ANAPC1: variants seen among roughly 807,000 people sequenced by gnomAD.
ANAPC1 encodes the protein anaphase-promoting complex subunit 1.
In ANAPC1, 36 loss-of-function variants were observed where a neutral mutation model predicts 208.0. That is an observed-to-expected ratio of 0.17 (90% CI 0.13 to 0.23). The LOEUF is 0.23. Among genes scored for constraint, ANAPC1 ranks in the 10% least tolerant of loss-of-function variants. The pLI is 1.00. For missense variants in ANAPC1, 942 were observed against 2,011.6 expected (o/e 0.47, Z 10.17); for synonymous variants, 378 against 695.2 (o/e 0.54, Z 7.18).
At chr2:111,822,997 ATTCTTT>A (rs1271163885) in intron 24 of ANAPC1, among the ~76,000 whole-genome samples, 4 of 100,682 alleles carry the variant, frequency 4.0e-5, no homozygotes, top group African/African-American at 1.5e-4. Flanking sequence ...AATTCTTTTT[ATTCTTT>A]TTTTTTTTTT....
At chr2:111,798,329 C>T (rs376730082) in intron 34 of ANAPC1, among the ~76,000 whole-genome samples, 809 of 141,478 alleles carry the variant, frequency 5.7e-3, no homozygotes, top group South Asian at 0.013. Context: ...CTACAAACAA[C>T]GTGGTTTAGG....
intron 21 of ANAPC1, among the ~76,000 whole-genome samples, chr2:111,830,742 C>T (rs1418829309): frequency 6.6e-6 from 1 of 152,152 alleles, no homozygotes; most frequent in Non-Finnish European, 1.5e-5. Flanking sequence ...AGTGACAATA[C>T]CAAACACCAA....
At chr2:111,767,296 A>G (rs1354920975), downstream of ANAPC1, among the ~76,000 whole-genome samples, 1 of 151,654 alleles carries the variant, frequency 6.6e-6, no homozygotes, top group Non-Finnish European at 1.5e-5. Flanking sequence ...TTTGGGGCCA[A>G]AACACTTAAC....
chr2:111,851,584 A>G (rs945356044), intron 13 of ANAPC1, among the ~76,000 whole-genome samples: 1 of 151,944 alleles, frequency 6.6e-6, no homozygotes, highest in Admixed American at 6.6e-5. Flanking sequence ...AGGCGGGCGG[A>G]TCACAAGGTC....
intron 3 of ANAPC1, among the ~76,000 whole-genome samples, 163 bp from the exon 4 acceptor site, chr2:111,873,827 G>A (rs888242692): frequency 6.7e-6 from 1 of 149,826 alleles, no homozygotes; most frequent in South Asian, 2.1e-4. Context: ...AAATAAATTA[G>A]AGTAATAAAT....
intron 6 of ANAPC1, 114 bp from the exon 7 acceptor site, chr2:111,868,210 T>C (rs909718487): frequency 5.3e-5 from 30 of 568,244 alleles, no homozygotes; most frequent in Admixed American, 7.0e-5. Flanking sequence ...AAACCTACTA[T>C]CTCAAAATGC....
At chr2:111,840,855 C>T (rs1475941877) in intron 17 of ANAPC1, among the ~76,000 whole-genome samples, 2 of 152,030 alleles carry the variant, frequency 1.3e-5, no homozygotes, top group East Asian at 1.9e-4. Flanking sequence ...CCATCATAGC[C>T]GACACGGCAA....
intron 7 of ANAPC1, among the ~76,000 whole-genome samples, chr2:111,867,739 T>C (rs1682515523): frequency 6.6e-6 from 1 of 151,744 alleles, no homozygotes; most frequent in Non-Finnish European, 1.5e-5. Context: ...CTTTACTTCA[T>C]CTAAGTATCA....
chr2:111,818,210 TATACA>T (rs1381932626), intron 27 of ANAPC1, among the ~76,000 whole-genome samples: 2 of 140,050 alleles, frequency 1.4e-5, no homozygotes, highest in East Asian at 2.0e-4. Flanking sequence ...AAAACACGTG[TATACA>T]ATACATACAC....
At chr2:111,882,490 G>A (rs1477146794) in intron 1 of ANAPC1, among the ~76,000 whole-genome samples, 2 of 152,034 alleles carry the variant, frequency 1.3e-5, no homozygotes, top group East Asian at 1.9e-4. Flanking sequence ...AGCACTTTGG[G>A]AGGCTGAGGC....
intron 14 of ANAPC1, 145 bp downstream of exon 14, chr2:111,850,631 T>C (rs113686396): frequency 1.0e-6 from 1 of 973,114 alleles, no homozygotes; most frequent in Non-Finnish European, 1.5e-6. Context: ...GGGAGGTCAG[T>C]GTATGTTAAC....
Position 111,880,454 on chromosome 2 carries a change from T to A in ANAPC1, c.213+159A>T, listed in dbSNP as rs893646512. ...TAAATAAGTCGCTATGACAATGTAA[T>A]AAAGTCATTATTTTCAACATTTATT... On this transcript the variant is annotated intron_variant, in intron 2 of 47. Transcript: ENST00000341068. The A allele has an allele frequency of 1.5e-3, 1,988 of 1,300,766 alleles. 2 individuals are homozygous for A. Among genetic ancestry groups the A allele is most frequent in the Middle Eastern group, 3.9e-3 (14 of 3,568 alleles). The allele number at this position is 1,300,766 out of a possible 1,614,324, so 80.6% of individuals were successfully genotyped here.
At chr2:111,851,212 C>T (rs1486172403) in intron 13 of ANAPC1, among the ~76,000 whole-genome samples, 3 of 151,948 alleles carry the variant, frequency 2.0e-5, no homozygotes, top group Non-Finnish European at 4.4e-5. Context: ...AAGTGATCCT[C>T]CCACTTCAGC....
rs4019125 is a variant in ANAPC1, at chr2:111,831,846, A to AAAAAAAG, written c.2477-413_2477-412insCTTTTTT. ...TGTCTCAAAAAAAAAAAAAAAAAAA[A>AAAAAAAG]GAATAACGTTTTTCCATATTCTCCA... On this transcript the variant is annotated intron_variant, in intron 20 of 47. Transcript: ENST00000341068. Among the ~76,000 whole-genome samples, 9 of 88,256 alleles carry AAAAAAAG rather than the reference A, an allele frequency of 1.0e-4. 1 individual carries two copies. The highest frequency in any genetic ancestry group is 6.5e-4 in the East Asian group (2 of 3,092). The allele number at this position is 88,256 out of a possible 152,430, so 57.9% of individuals were successfully genotyped here. A position where few individuals can be genotyped will look rare whatever the true frequency, so the allele number is the denominator to read the frequency against.
rs1035727177 is a variant in ANAPC1, at chr2:111,794,914, G to C, written c.4297-20C>G. The C allele has an allele frequency of 1.1e-6, 1 of 908,422 alleles. No homozygotes were observed. Among genetic ancestry groups the C allele is most frequent in the South Asian group, 1.7e-5 (1 of 58,520 alleles). The allele number at this position is 908,422 out of a possible 1,614,324, so 56.3% of individuals were successfully genotyped here. ...TATAATCTGTCAATATAGAAAGCAA[G>C]AATACTTAGATATCAATGTTCTCAT... On this transcript the variant is annotated intron_variant, in intron 34 of 47. Transcript: ENST00000341068.
chr2:111,872,670 G>T lies in ANAPC1; in HGVS notation c.571C>A (p.Arg191=). The change falls in exon 6 of 48, where the codon CGA becomes AGA. Residue 191 remains arginine, a synonymous_variant. Transcript: ENST00000341068. The stretch of plus-strand genomic sequence containing the variant: ...GGTACTTCATGTGAAGAAGCGCTTC[G>T]TTCAAACAGCAATCCATATTTAGTG... The part of the protein sequence containing the change: ...WPTKYGLLFE[R]SASSHEVPPG... 2.5e-6 allele frequency: 4 copies of T among 1,613,680 alleles called. No homozygotes were observed. The highest frequency in any genetic ancestry group is 3.4e-6 in the Non-Finnish European group (4 of 1,179,714).
intron 46 of ANAPC1, among the ~76,000 whole-genome samples, chr2:111,775,975 T>C (rs1434336676): frequency 2.0e-5 from 3 of 152,266 alleles, no homozygotes; most frequent in Non-Finnish European, 4.4e-5. Flanking sequence ...TTTCCAAGTA[T>C]ATCCCTCACA....
Position 111,847,214 on chromosome 2 carries a change from T to A in ANAPC1, c.1792-16A>T, listed in dbSNP as rs1287180793. 23 of 1,601,114 alleles carry A rather than the reference T, an allele frequency of 1.4e-5. No homozygotes were observed. The highest frequency in any genetic ancestry group is 1.9e-5 in the Non-Finnish European group (22 of 1,172,058). On this transcript the variant is annotated splice_polypyrimidine_tract_variant and intron_variant, in intron 15 of 47. Transcript: ENST00000341068. Reference sequence around the variant, plus strand: ...TACTCAGTTCCTAGATGGAAACAAATGAGAAAGTAGATAAAATCTGTGCAT... The same window carrying A: ...TACTCAGTTCCTAGATGGAAACAAAAGAGAAAGTAGATAAAATCTGTGCAT...
intron 27 of ANAPC1, among the ~76,000 whole-genome samples, chr2:111,817,461 A>G (rs1178276603): frequency 6.6e-6 from 1 of 151,914 alleles, no homozygotes; most frequent in Non-Finnish European, 1.5e-5. Flanking sequence ...TCAAGAATCA[A>G]TAATTGTTAA....
Sources: allele counts gnomAD v4.1 joint callset (sites outside exome capture counted in the v4.1 genomes callset), GRCh38; gene constraint gnomAD v4.1.1; transcripts MANE v1.5; gene names NCBI Gene and HGNC (gene_info 2026-07-23, HGNC 2026-07-21).